The following IGSF10 variants were observed in gnomAD, a reference collection of about 807,000 sequenced individuals.
The protein encoded by IGSF10 is immunoglobulin superfamily member 10.
IGSF10 carries 126 observed loss-of-function variants against 128.2 expected under a neutral mutation model. The ratio of observed to expected loss-of-function variants is 0.98; its 90% confidence interval spans 0.85 to 1.14. IGSF10 has a LOEUF of 1.14. Ranked by LOEUF, IGSF10 falls within the 50% of genes most tolerant of loss-of-function variation. The pLI is 0.00. For synonymous variants in IGSF10, 1,185 were observed against 1,146.2 expected (o/e 1.03, Z -0.68); for missense variants, 3,295 against 3,149.8 (o/e 1.05, Z -1.10).
chr3:151,541,065 G>T, the IGSF10 span, among the ~76,000 whole-genome samples: 21 of 152,270 alleles, frequency 1.4e-4, no homozygotes, highest in Admixed American at 9.8e-4. Context: ...TTTGTATAGT[G>T]TGTATGGAAC....
chr3:151,538,648 C>T, the IGSF10 span, among the ~76,000 whole-genome samples: 28 of 152,218 alleles, frequency 1.8e-4, no homozygotes, highest in African/African-American at 6.5e-4. Flanking sequence ...ACATCAGACC[C>T]CGAGCAGAAT....
In IGSF10 at chr3:151,437,095, C is replaced by T. The variant is rs1720359878; in HGVS notation, c.7466G>A (p.Gly2489Asp). 6.2e-6 allele frequency: 10 copies of T among 1,614,140 alleles called. No homozygotes were observed. Among genetic ancestry groups the T allele is most frequent in the Non-Finnish European group, 8.5e-6 (10 of 1,180,006 alleles). ...INGKYILHDN[G>D]TLVIKEATAY... ...TGTTGCTTCTTTAATGACTAAGGTG[C>T]CATTGTCATGCAATATGTATTTCCC... Residue 2489 changes from glycine (G) to aspartate (D), a missense_variant, in exon 8 of 8, where the codon GGC becomes GAC. Gly to Asp is a moderately conservative substitution (Grantham distance 94). Coordinates refer to ENST00000282466, the MANE Select transcript of IGSF10 (RefSeq NM_178822.5).
the IGSF10 span, chr3:151,476,137 G>A: frequency 6.6e-6 from 1 of 152,092 alleles, no homozygotes; most frequent in South Asian, 2.1e-4. Context: ...ATAATTCTCT[G>A]TGATATCACC....
At chr3:151,508,711 TG>T in the IGSF10 span, among the ~76,000 whole-genome samples, 10 of 152,198 alleles carry the variant, frequency 6.6e-5, no homozygotes, top group African/African-American at 1.9e-4. Flanking sequence ...CCTCTAACTT[TG>T]GGATGCTTCA....
chr3:151,464,156 C>T (rs1312659941), upstream of IGSF10, among the ~76,000 whole-genome samples: 1 of 152,148 alleles, frequency 6.6e-6, no homozygotes, highest in Admixed American at 6.5e-5. Context: ...AACTCCTAAA[C>T]CTGTGTTTCC....
the IGSF10 span, among the ~76,000 whole-genome samples, chr3:151,606,180 G>C: frequency 6.6e-6 from 1 of 152,130 alleles, no homozygotes; most frequent in Non-Finnish European, 1.5e-5. Context: ...TTGCATATTT[G>C]ATTCATTGAG....
rs150538501 is a variant in IGSF10, at chr3:151,450,801, T to C, written c.716-1536A>G. On this transcript the variant is annotated intron_variant, in intron 5 of 7. Transcript: ENST00000282466. ...ATCCCAGCTGCTCGGGAGGCTGAGG[T>C]AGGAGAATCACTTAACCCGGGAGGC... Among the ~76,000 whole-genome samples, 816 of 140,892 alleles carry C rather than the reference T, an allele frequency of 5.8e-3. 2 individuals carry two copies. Among genetic ancestry groups the C allele is most frequent in the African/African-American group, 0.02 (758 of 37,210 alleles). The allele number at this position is 140,892 out of a possible 152,430, so 92.4% of individuals were successfully genotyped here.
chr3:151,518,835 G>A, the IGSF10 span, among the ~76,000 whole-genome samples: 4 of 151,864 alleles, frequency 2.6e-5, no homozygotes, highest in African/African-American at 4.8e-5. Context: ...AGAAGGAGAC[G>A]TTCTAAAGAG....
At position 151,445,328 on chromosome 3, in the gene IGSF10, G is replaced by A. The variant is rs184580159; in HGVS notation, c.4653C>T (p.Pro1551=). 3.7e-6 allele frequency: 6 copies of A among 1,614,194 alleles called. No individual in the cohort carries two copies. The Admixed American group carries it at 6.7e-5, about 18-fold the overall frequency. The change falls in exon 6 of 8, where the codon CCC becomes CCT. Residue 1551 remains proline, a synonymous_variant. Coordinates refer to ENST00000282466, the MANE Select transcript of IGSF10 (RefSeq NM_178822.5). ...FIYSNLLHST[P]MPALTTVKSQ... is the part of the protein sequence containing the mutation. ...ATTTAACTGTTGTTAGTGCTGGCAT[G>A]GGAGTAGAATGTAACAGATTAGAGT...
At chr3:151,478,590 TAA>T in the IGSF10 span, among the ~76,000 whole-genome samples, 1 of 152,230 alleles carries the variant, frequency 6.6e-6, no homozygotes, top group Admixed American at 6.5e-5. Context: ...ACAGATAATT[TAA>T]AACTTTGCAG....
downstream of IGSF10, chr3:151,435,917 A>C (rs1012369671): frequency 1.1e-4 from 16 of 152,220 alleles, no homozygotes; most frequent in African/African-American, 3.4e-4. Context: ...ATTCCTGCTC[A>C]GAAAAATTTC....
the IGSF10 span, among the ~76,000 whole-genome samples, chr3:151,614,124 C>A: frequency 6.6e-5 from 10 of 152,244 alleles, no homozygotes; most frequent in Non-Finnish European, 1.5e-4. Flanking sequence ...CAATGAGATA[C>A]CATCTCACAC....
At chr3:151,597,908 ACT>A in the IGSF10 span, among the ~76,000 whole-genome samples, 6 of 116,230 alleles carry the variant, frequency 5.2e-5, no homozygotes, top group South Asian at 3.2e-4. Context: ...CAGGAGCAAG[ACT>A]CTGTCTAAAA....
the IGSF10 span, among the ~76,000 whole-genome samples, chr3:151,596,089 T>G: frequency 6.6e-6 from 1 of 152,198 alleles, no homozygotes; most frequent in Admixed American, 6.5e-5. Flanking sequence ...ATATATGTAA[T>G]TTTTGAAAAG....
chr3:151,510,061 C>G, the IGSF10 span, among the ~76,000 whole-genome samples: 1 of 152,214 alleles, frequency 6.6e-6, no homozygotes, highest in Non-Finnish European at 1.5e-5. Context: ...AGGGCACAGA[C>G]AAACAAAAGA....
the IGSF10 span, among the ~76,000 whole-genome samples, chr3:151,559,253 G>A: frequency 6.6e-6 from 1 of 152,138 alleles, no homozygotes; most frequent in Non-Finnish European, 1.5e-5. Context: ...GCACGTACCT[G>A]AAGGCAGAGT....
At chr3:151,475,037 G>A in the IGSF10 span, among the ~76,000 whole-genome samples, 2 of 152,124 alleles carry the variant, frequency 1.3e-5, no homozygotes, top group Non-Finnish European at 2.9e-5. Flanking sequence ...CATGTCTTAG[G>A]CATTTTGATA....
At chr3:151,566,945 C>T in the IGSF10 span, among the ~76,000 whole-genome samples, 269 of 152,326 alleles carry the variant, frequency 1.8e-3, no homozygotes, top group Admixed American at 7.4e-3. Flanking sequence ...TGTTCAAGTT[C>T]GTCTAATGTC....
At chr3:151,519,446 G>C in the IGSF10 span, among the ~76,000 whole-genome samples, 1 of 151,724 alleles carries the variant, frequency 6.6e-6, no homozygotes, top group South Asian at 2.1e-4. Context: ...GCCACAGTTT[G>C]GTACCTGGCT....
Sources: allele counts gnomAD v4.1 joint callset (sites outside exome capture counted in the v4.1 genomes callset), GRCh38; gene constraint gnomAD v4.1.1; transcripts MANE v1.5; gene names NCBI Gene and HGNC (gene_info 2026-07-23, HGNC 2026-07-21).